The following NEXMIF variants were observed in gnomAD, a reference collection of about 807,000 sequenced individuals.
NEXMIF encodes the protein neurite extension and migration factor.
Under a neutral mutation model 62.1 loss-of-function variants are expected in NEXMIF, and 8 were observed. That is an observed-to-expected ratio of 0.13 (90% confidence interval 0.08 to 0.23). NEXMIF has a LOEUF of 0.23. Ranked by LOEUF, NEXMIF falls within the 10% of genes least tolerant of loss-of-function variation. NEXMIF has a pLI of 1.00. For synonymous variants in NEXMIF, 404 were observed against 416.6 expected, an observed-to-expected ratio of 0.97 and a Z score of 0.37; for missense variants, 976 against 1,113.3, an observed-to-expected ratio of 0.88 and a Z score of 1.75.
chrX:74,903,838 C>T lies in NEXMIF; in HGVS notation c.-48+21045G>A, dbSNP rs765029702. The stretch of plus-strand genomic sequence containing the variant: ...AGTTAAATGCACTTTTGCACTATTA[C>T]AATTAAACAATGCAACCAAAACTGT... On this transcript the variant is annotated intron_variant, in intron 1 of 3. Coordinates refer to ENST00000055682, the MANE Select transcript of NEXMIF (RefSeq NM_001008537.3). Among the ~76,000 whole-genome samples the T allele has an allele frequency of 2.1e-3, 226 of 109,580 alleles. 1 individual carries two copies. The highest frequency in any genetic ancestry group is 3.6e-3 in the Non-Finnish European group (191 of 52,687).
At chrX:74,831,144 T>TA (rs965207258) in intron 1 of NEXMIF, among the ~76,000 whole-genome samples, 5 of 111,222 alleles carry the variant, frequency 4.5e-5, no homozygotes, top group Non-Finnish European at 7.5e-5. Context: ...TCTTTTTTTT[T>TA]ATGCCTTCAA....
intron 1 of NEXMIF, among the ~76,000 whole-genome samples, chrX:74,747,642 C>CT (rs57925416): frequency 0.24 from 23,443 of 99,232 alleles, 3,753 homozygotes; most frequent in East Asian, 0.95. Flanking sequence ...ATTATCCAAA[C>CT]TTTTTTTTTT....
chrX:74,881,258 A>G (rs2080661696), intron 1 of NEXMIF, among the ~76,000 whole-genome samples: 1 of 111,110 alleles, frequency 9.0e-6, no homozygotes, highest in African/African-American at 3.3e-5. Flanking sequence ...TGGTACCCCA[A>G]GTGAATCTCC....
intron 1 of NEXMIF, among the ~76,000 whole-genome samples, chrX:74,780,942 GCTGTGTGATAGGTA>G (rs1450885379): frequency 2.7e-5 from 3 of 111,473 alleles, no homozygotes; most frequent in African/African-American, 9.8e-5. Context: ...CTGAACATGA[GCTGTGTGATAGGTA>G]CTGTCAGATG....
At chrX:74,862,835 G>T (rs750257426) in intron 1 of NEXMIF, among the ~76,000 whole-genome samples, 1 of 111,046 alleles carries the variant, frequency 9.0e-6, no homozygotes. Flanking sequence ...CGCAGCTAAA[G>T]CAGTGTTAAA....
intron 1 of NEXMIF, among the ~76,000 whole-genome samples, chrX:74,750,948 C>T (rs2080140190): frequency 9.0e-6 from 1 of 111,698 alleles, no homozygotes; most frequent in Non-Finnish European, 1.9e-5. Flanking sequence ...AAAATTCTGG[C>T]TGGGCGTGGT....
At chrX:74,878,830 G>T (rs999184431) in intron 1 of NEXMIF, among the ~76,000 whole-genome samples, 31 of 112,438 alleles carry the variant, frequency 2.8e-4, no homozygotes, top group African/African-American at 1.0e-3. Context: ...GTGAAGCAAT[G>T]CCTTGCCCTG....
chrX:74,823,422 AAGAC>A (rs2080403974), intron 1 of NEXMIF, among the ~76,000 whole-genome samples: 1 of 111,741 alleles, frequency 8.9e-6, no homozygotes, highest in Admixed American at 9.6e-5. Context: ...AATGCCTTAA[AAGAC>A]AGACTGAGGA....
intron 1 of NEXMIF, among the ~76,000 whole-genome samples, chrX:74,790,836 G>A (rs2080279407): frequency 9.1e-6 from 1 of 110,406 alleles, no homozygotes. Context: ...TGTATCCTGA[G>A]ACTTTGCTGA....
At chrX:74,837,910 A>G (rs1335858931) in intron 1 of NEXMIF, among the ~76,000 whole-genome samples, 1 of 112,115 alleles carries the variant, frequency 8.9e-6, no homozygotes, top group Non-Finnish European at 1.9e-5. Flanking sequence ...TAAACGGCAT[A>G]GCAGTTTCCT....
At chrX:74,809,234 T>A (rs184290288) in intron 1 of NEXMIF, among the ~76,000 whole-genome samples, 1 of 111,795 alleles carries the variant, frequency 8.9e-6, no homozygotes, top group African/African-American at 3.2e-5. Context: ...TAAAAAAAAA[T>A]AAGTCTTAAC....
intron 1 of NEXMIF, among the ~76,000 whole-genome samples, chrX:74,801,219 T>G (rs2080328781): frequency 8.9e-6 from 1 of 112,151 alleles, no homozygotes; most frequent in Non-Finnish European, 1.9e-5. Flanking sequence ...TCAATTCACC[T>G]ATTAGAAGAC....
intron 1 of NEXMIF, among the ~76,000 whole-genome samples, chrX:74,864,865 C>T (rs2080572155): frequency 9.0e-6 from 1 of 110,876 alleles, no homozygotes; most frequent in Admixed American, 9.6e-5. Flanking sequence ...CCCACCACCA[C>T]CTCCAGCTAA....
At chrX:74,924,606 C>A (rs1259130410) in intron 1 of NEXMIF, among the ~76,000 whole-genome samples, 1 of 113,534 alleles carries the variant, frequency 8.8e-6, no homozygotes, top group Non-Finnish European at 1.9e-5. Context: ...CGCTCGCTTC[C>A]CCTCCCCCCG....
At chrX:74,803,625 T>C (rs1166599632) in intron 1 of NEXMIF, among the ~76,000 whole-genome samples, 2 of 110,115 alleles carry the variant, frequency 1.8e-5, no homozygotes, top group African/African-American at 6.6e-5. Context: ...AGGTCAATGA[T>C]AAAGAAAGGG....
At chrX:74,778,950 C>T (rs964627243) in intron 1 of NEXMIF, among the ~76,000 whole-genome samples, 1 of 111,960 alleles carries the variant, frequency 8.9e-6, no homozygotes, top group Non-Finnish European at 1.9e-5. Context: ...TTTAACAGTA[C>T]TTCCTCAATT....
At chrX:74,886,109 T>TA (rs1271126803) in intron 1 of NEXMIF, among the ~76,000 whole-genome samples, 1 of 112,038 alleles carries the variant, frequency 8.9e-6, no homozygotes, top group African/African-American at 3.2e-5. Flanking sequence ...CCTTTCATGC[T>TA]AAAAACTCTC....
intron 1 of NEXMIF, among the ~76,000 whole-genome samples, chrX:74,873,755 T>C (rs1268037484): frequency 1.8e-5 from 2 of 112,427 alleles, no homozygotes; most frequent in Non-Finnish European, 3.8e-5. Flanking sequence ...ATGATGAGCA[T>C]TTTTTCATGT....
intron 1 of NEXMIF, among the ~76,000 whole-genome samples, chrX:74,902,583 G>C (rs1569366034): frequency 9.0e-6 from 1 of 110,855 alleles, no homozygotes; most frequent in Non-Finnish European, 1.9e-5. Context: ...CTGGGCTCAT[G>C]TATCTCCTTG....
Sources: allele counts gnomAD v4.1 joint callset (sites outside exome capture counted in the v4.1 genomes callset), GRCh38; gene constraint gnomAD v4.1.1; transcripts MANE v1.5; gene names NCBI Gene and HGNC (gene_info 2026-07-23, HGNC 2026-07-21).